NCAM2: variants seen among roughly 807,000 people sequenced by gnomAD.
NCAM2 encodes the protein neural cell adhesion molecule 2, also known as N-CAM-2.
In NCAM2, 30 loss-of-function variants were observed where a neutral mutation model predicts 98.1. That is an observed-to-expected ratio of 0.31 (90% CI 0.23 to 0.41). The LOEUF is 0.41. Among genes scored for constraint, NCAM2 ranks in the 10% least tolerant of loss-of-function variants. The probability of loss-of-function intolerance (pLI) is 1.00; values close to 1 mark genes in which losing one functional copy is unlikely to be tolerated. For missense variants in NCAM2, 867 were observed against 1,005.8 expected (o/e 0.86, Z 1.87); for synonymous variants, 368 against 342.4 (o/e 1.07, Z -0.83).
At chr21:21,039,362 A>C (rs2064858203) in intron 1 of NCAM2, among the ~76,000 whole-genome samples, 2 of 152,330 alleles carry the variant, frequency 1.3e-5, no homozygotes, top group South Asian at 4.1e-4. Context: ...GGAAAGAATA[A>C]GTTCTAATGT....
rs554699965 is a variant in NCAM2 at position 21,082,383 on chromosome 21, A to AG, written c.55+83766dup. On this transcript the variant is annotated intron_variant, in intron 1 of 17. Transcript: ENST00000400546. ...TCAGTAATTTCTAATTAAAAAAAAAAGTTTTGGTCATCTTATGACCATTGC... is the reference window on the plus strand; with the variant it reads ...TCAGTAATTTCTAATTAAAAAAAAAAGGTTTTGGTCATCTTATGACCATTGC... Among the ~76,000 whole-genome samples, 198 of 152,072 alleles carry AG rather than the reference A, an allele frequency of 1.3e-3. 1 individual carries two copies. The highest frequency in any genetic ancestry group is 4.7e-3 in the African/African-American group (194 of 41,506).
intron 1 of NCAM2, among the ~76,000 whole-genome samples, chr21:21,131,310 G>T (rs1366526892): frequency 1.3e-5 from 2 of 150,952 alleles, no homozygotes; most frequent in African/African-American, 2.5e-5. Context: ...TTCAGCTCTT[G>T]GTGCCCAGGC....
At chr21:21,530,319 T>C (rs1989611428) in intron 16 of NCAM2, among the ~76,000 whole-genome samples, 1 of 22,404 alleles carries the variant, frequency 4.5e-5, no homozygotes, top group South Asian at 6.9e-4. Flanking sequence ...TATATATAAT[T>C]AAATTAAATT....
intron 1 of NCAM2, among the ~76,000 whole-genome samples, chr21:21,184,454 T>G (rs934635134): frequency 1.4e-4 from 22 of 152,134 alleles, no homozygotes; most frequent in Non-Finnish European, 7.4e-5. Flanking sequence ...ATGGGCAGCT[T>G]CTTACAGTCA....
chr21:21,171,348 T>A (rs1601558769), intron 1 of NCAM2, among the ~76,000 whole-genome samples: 1 of 152,368 alleles, frequency 6.6e-6, no homozygotes, highest in East Asian at 1.9e-4. Context: ...TGCTAGGCAC[T>A]GATAGTAAGA....
In NCAM2 at chr21:21,477,443, C is replaced by T; in HGVS notation, c.2049C>T (p.Ser683=). 5 of 1,603,978 alleles carry T rather than the reference C, an allele frequency of 3.1e-6. No individual in the cohort carries two copies. The highest frequency in any genetic ancestry group is 4.3e-6 in the Non-Finnish European group (5 of 1,173,654). Residue 683 remains serine, a synonymous_variant, in exon 15 of 18, where the codon AGC becomes AGT. Transcript: ENST00000400546. Reference sequence around the variant, plus strand: ...CTGAACCGACAGTTTATGAATTCAGCATGCCACCAAAGCCCAACATTATTA... The same window carrying T: ...CTGAACCGACAGTTTATGAATTCAGTATGCCACCAAAGCCCAACATTATTA... ...GYSEPTVYEF[S]MPPKPNIIKD...
At chr21:21,251,008 AC>A (rs2071448200) in intron 1 of NCAM2, among the ~76,000 whole-genome samples, 1 of 152,148 alleles carries the variant, frequency 6.6e-6, no homozygotes, top group Non-Finnish European at 1.5e-5. Flanking sequence ...CTTAAGTTTA[AC>A]CTGGCATGAT....
At chr21:21,032,126 T>C (rs2064697927) in intron 1 of NCAM2, among the ~76,000 whole-genome samples, 1 of 152,202 alleles carries the variant, frequency 6.6e-6, no homozygotes, top group Non-Finnish European at 1.5e-5. Context: ...CTAGCTGTTC[T>C]TGAGCCTTTT....
At chr21:21,342,923 G>A (rs1045513192) in intron 8 of NCAM2, among the ~76,000 whole-genome samples, 2 of 152,188 alleles carry the variant, frequency 1.3e-5, no homozygotes, top group African/African-American at 2.4e-5. Context: ...CACACAGGGA[G>A]TAAGTGGCAG....
At chr21:21,136,756 G>A (rs564823300) in intron 1 of NCAM2, among the ~76,000 whole-genome samples, 2 of 151,600 alleles carry the variant, frequency 1.3e-5, no homozygotes, top group East Asian at 1.9e-4. Context: ...GCATGAGCCC[G>A]GCCCATTTTA....
At chr21:21,450,793 T>TGTATATATACACACACAC (rs751489970) in intron 12 of NCAM2, among the ~76,000 whole-genome samples, 23 of 143,428 alleles carry the variant, frequency 1.6e-4, no homozygotes, top group African/African-American at 6.1e-4. Flanking sequence ...TATGTATGTA[T>TGTATATATACACACACAC]ACACACACAC....
intron 16 of NCAM2, among the ~76,000 whole-genome samples, chr21:21,523,545 CAT>C (rs1326000350): frequency 6.6e-6 from 1 of 151,504 alleles, no homozygotes; most frequent in East Asian, 1.9e-4. Flanking sequence ...TATTCTTATT[CAT>C]AAGATTATTG....
chr21:21,425,357 A>AT (rs35561436), intron 11 of NCAM2, among the ~76,000 whole-genome samples: 1 of 151,930 alleles, frequency 6.6e-6, no homozygotes, highest in African/African-American at 2.4e-5. Context: ...ACTCTTCAAA[A>AT]TTTTTTTCTG....
At chr21:21,116,916 C>T (rs896877568) in intron 1 of NCAM2, among the ~76,000 whole-genome samples, 10 of 150,102 alleles carry the variant, frequency 6.7e-5, no homozygotes, top group Non-Finnish European at 1.0e-4. Context: ...CTTGAATAAA[C>T]GAAGAAAGCT....
intron 4 of NCAM2, 137 bp from the exon 5 acceptor site, chr21:21,291,967 T>C (rs2073313903): frequency 1.4e-5 from 10 of 736,664 alleles, no homozygotes; most frequent in African/African-American, 1.8e-5. Flanking sequence ...CATTTTACTT[T>C]CAAATTTGAA....
At chr21:21,320,554 G>A (rs1391093532) in intron 5 of NCAM2, among the ~76,000 whole-genome samples, 1 of 152,016 alleles carries the variant, frequency 6.6e-6, no homozygotes, top group Admixed American at 6.6e-5. Flanking sequence ...TACAGCATTT[G>A]CAGCAGTAGG....
chr21:21,180,066 G>C (rs543470693), intron 1 of NCAM2, among the ~76,000 whole-genome samples: 12 of 152,226 alleles, frequency 7.9e-5, no homozygotes, highest in African/African-American at 2.2e-4. Flanking sequence ...CTTTTGAGCA[G>C]GACTTCATTT....
At chr21:21,520,727 A>G (rs986976163) in intron 16 of NCAM2, among the ~76,000 whole-genome samples, 2 of 152,192 alleles carry the variant, frequency 1.3e-5, no homozygotes, top group Admixed American at 6.5e-5. Context: ...AGAGGCAGAG[A>G]GGCAGATGCA....
chr21:21,423,964 G>A (rs2077163919), intron 11 of NCAM2, among the ~76,000 whole-genome samples: 1 of 152,090 alleles, frequency 6.6e-6, no homozygotes, highest in South Asian at 2.1e-4. Flanking sequence ...CTACTGGTCT[G>A]TGTACCTAGA....
Sources: allele counts gnomAD v4.1 joint callset (sites outside exome capture counted in the v4.1 genomes callset), GRCh38; gene constraint gnomAD v4.1.1; transcripts MANE v1.5; gene names NCBI Gene and HGNC (gene_info 2026-07-23, HGNC 2026-07-21).